SLC12A6: variants seen among roughly 807,000 people sequenced by gnomAD.
SLC12A6 encodes K-Cl cotransporter 3.
A neutral mutation model predicts 135.3 loss-of-function variants in SLC12A6; 66 were observed. The observed-to-expected ratio is 0.49, with a 90% CI of 0.40 to 0.60. The LOEUF (loss-of-function observed/expected upper bound fraction) is 0.60, where lower values mean the gene tolerates loss of function less well. Ranked by LOEUF, SLC12A6 falls within the 20% of genes least tolerant of loss-of-function variation. SLC12A6 has a pLI of 0.00. For missense variants in SLC12A6, 1,058 were observed against 1,452.3 expected (o/e 0.73, Z 4.41); for synonymous variants, 513 against 508.8 (o/e 1.01, Z -0.11).
chr15:34,290,596 C>T (rs540418713), intron 2 of SLC12A6, among the ~76,000 whole-genome samples: 13 of 152,222 alleles, frequency 8.5e-5, no homozygotes, highest in Admixed American at 7.2e-4. Context: ...CCCATTGTTA[C>T]TGTGTGGGAG....
chr15:34,306,530 C>A (rs950751108), intron 2 of SLC12A6, among the ~76,000 whole-genome samples: 4 of 152,200 alleles, frequency 2.6e-5, no homozygotes, highest in African/African-American at 9.7e-5. Flanking sequence ...AGTTCTCACA[C>A]AGCCCATGGC....
chr15:34,333,375 G>A (rs1375267175), intron 2 of SLC12A6, among the ~76,000 whole-genome samples: 3 of 151,826 alleles, frequency 2.0e-5, no homozygotes, highest in East Asian at 1.9e-4. Context: ...GATTACAGGC[G>A]CACGCCGTCA....
intron 2 of SLC12A6, among the ~76,000 whole-genome samples, chr15:34,306,310 G>A (rs567873780): frequency 4.8e-4 from 73 of 152,314 alleles, no homozygotes; most frequent in Admixed American, 1.1e-3. Context: ...CCAGGAGGAA[G>A]CCTCCCTGCT....
At chr15:34,307,075 A>G (rs1896650123) in intron 2 of SLC12A6, among the ~76,000 whole-genome samples, 1 of 152,238 alleles carries the variant, frequency 6.6e-6, no homozygotes, top group Non-Finnish European at 1.5e-5. Context: ...AATGTTCACT[A>G]TCTTCATTAT....
chr15:34,322,648 A>G (rs71464857), intron 2 of SLC12A6, among the ~76,000 whole-genome samples: 2 of 151,984 alleles, frequency 1.3e-5, no homozygotes, highest in African/African-American at 2.4e-5. Context: ...ATGGGTGTTC[A>G]CGATGAAAGT....
In SLC12A6 at chr15:34,242,117, T is replaced by C; in HGVS notation, c.2147A>G (p.Tyr716Cys). 6.2e-7 allele frequency: 1 copy of C among 1,600,674 alleles called. No homozygotes were observed. The highest frequency in any genetic ancestry group is 8.6e-7 in the Non-Finnish European group (1 of 1,167,956). The change falls in exon 17 of 26, where the codon TAC (tyrosine) becomes TGC (cysteine). Residue 716 changes from tyrosine to cysteine, a missense_variant. Tyr to Cys is a radical substitution (Grantham distance 194). Coordinates refer to ENST00000354181, the MANE Select transcript of SLC12A6 (RefSeq NM_001365088.1). ...AMVIAGMIYK[Y>C]IEYQGAEKEW... ...CCACACTCACCCTTGGTATTCAATG[T>C]ACTTGTAGATCATACCAGCTATTAC...
chr15:34,265,688 A>C (rs919610792), intron 3 of SLC12A6, among the ~76,000 whole-genome samples: 2 of 152,202 alleles, frequency 1.3e-5, no homozygotes, highest in Admixed American at 6.5e-5. Flanking sequence ...TTTTGGGAAG[A>C]GATTTGCATT....
chr15:34,278,530 C>T (rs764216135), intron 2 of SLC12A6, among the ~76,000 whole-genome samples: 1 of 152,210 alleles, frequency 6.6e-6, no homozygotes, highest in Non-Finnish European at 1.5e-5. Flanking sequence ...AGCCAGGAGT[C>T]TTCCTTTGAA....
chr15:34,335,439 G>A (rs991079619), intron 2 of SLC12A6, among the ~76,000 whole-genome samples: 1 of 152,208 alleles, frequency 6.6e-6, no homozygotes, highest in Non-Finnish European at 1.5e-5. Context: ...CAGTGGGTGA[G>A]GCTATGGTTT....
At chr15:34,328,512 G>A (rs1039543815) in intron 2 of SLC12A6, among the ~76,000 whole-genome samples, 3 of 152,192 alleles carry the variant, frequency 2.0e-5, no homozygotes, top group Admixed American at 2.0e-4. Context: ...GCAAGGTGCT[G>A]TATGCATGTG....
chr15:34,261,172 T>C (rs1893098801), intron 3 of SLC12A6, 152 bp from the exon 4 acceptor site: 8 of 638,104 alleles, frequency 1.3e-5, no homozygotes, highest in Middle Eastern at 2.6e-4. Context: ...GCTTGGAGAA[T>C]ATGGAACAAA....
At chr15:34,287,748 A>G (rs1013614475) in intron 2 of SLC12A6, among the ~76,000 whole-genome samples, 1 of 152,126 alleles carries the variant, frequency 6.6e-6, no homozygotes, top group Non-Finnish European at 1.5e-5. Context: ...GCATTTTTTC[A>G]TATGTCTGTT....
At chr15:34,289,960 G>A (rs1038314421) in intron 2 of SLC12A6, among the ~76,000 whole-genome samples, 5 of 151,956 alleles carry the variant, frequency 3.3e-5, no homozygotes, top group Admixed American at 1.3e-4. Flanking sequence ...AAGGGATTTT[G>A]TGTCCCTATC....
At chr15:34,249,583 AAAG>A (rs1440912871) in intron 13 of SLC12A6, among the ~76,000 whole-genome samples, 3 of 152,092 alleles carry the variant, frequency 2.0e-5, no homozygotes, top group Admixed American at 6.5e-5. Flanking sequence ...AATAAGTAGA[AAAG>A]AAAAGAAGAG....
At chr15:34,258,698 C>G (rs1892918500) in intron 5 of SLC12A6, 115 bp downstream of exon 5, 1 of 909,024 alleles carries the variant, frequency 1.1e-6, no homozygotes, top group African/African-American at 1.6e-5. Context: ...CAGTTCCAGG[C>G]ACCTCTCAAG....
intron 4 of SLC12A6, among the ~76,000 whole-genome samples, 187 bp downstream of exon 4, chr15:34,260,734 AATTTG>A (rs556111146): frequency 1.1e-4 from 17 of 152,364 alleles, no homozygotes; most frequent in African/African-American, 2.4e-4. Flanking sequence ...ACTACATAAC[AATTTG>A]ATTTAATAGT....
At chr15:34,335,479 G>A (rs1322599057) in intron 2 of SLC12A6, among the ~76,000 whole-genome samples, 2 of 152,310 alleles carry the variant, frequency 1.3e-5, no homozygotes, top group South Asian at 2.1e-4. Context: ...TATTTTAAGA[G>A]TCTTTAAGGG....
chr15:34,235,430 G>GTTTTTTTTT, intron 24 of SLC12A6, 116 bp from the exon 25 acceptor site: 5 of 539,764 alleles, frequency 9.3e-6, no homozygotes, highest in Admixed American at 3.3e-5. Flanking sequence ...CTGATAAAAT[G>GTTTTTTTTT]ATTTTTTTTT....
intron 7 of SLC12A6, 169 bp from the exon 8 acceptor site, chr15:34,255,561 T>C (rs952891852): frequency 3.3e-5 from 18 of 549,422 alleles, no homozygotes; most frequent in Non-Finnish European, 5.5e-5. Context: ...AAGGTGAAAG[T>C]GTTATTGTGG....
Sources: gnomAD v4.1 joint callset for allele counts (sites outside exome capture counted in the v4.1 genomes callset) on GRCh38, gnomAD v4.1.1 for gene constraint, MANE v1.5 for transcripts, NCBI Gene and HGNC (gene_info 2026-07-23, HGNC 2026-07-21) for gene names.